Variants in KCNJ15 observed in about 807,000 individuals in gnomAD.
KCNJ15 encodes ATP-sensitive inward rectifier potassium channel 15.
Under a neutral mutation model 23.0 loss-of-function variants are expected in KCNJ15, and 14 were observed. That is an observed-to-expected ratio of 0.61 (90% confidence interval 0.40 to 0.95). KCNJ15 has a LOEUF of 0.95. Among genes scored for constraint, KCNJ15 ranks in the 40% least tolerant of loss-of-function variants. The probability of loss-of-function intolerance (pLI) is 0.00; values close to 1 mark genes in which losing one functional copy is unlikely to be tolerated. For missense variants in KCNJ15, 388 were observed against 461.8 expected, an observed-to-expected ratio of 0.84 and a Z score of 1.46; for synonymous variants, 185 against 183.2, an observed-to-expected ratio of 1.01 and a Z score of -0.08.
chr21:38,245,210 C>T (rs1979284667), intron 1 of KCNJ15, among the ~76,000 whole-genome samples: 1 of 151,948 alleles, frequency 6.6e-6, no homozygotes, highest in Non-Finnish European at 1.5e-5. Context: ...GGTTCTATTC[C>T]CAAAGTCCTC....
chr21:38,285,838 T>G (rs900969434), intron 1 of KCNJ15: 3 of 152,242 alleles, frequency 2.0e-5, no homozygotes, highest in African/African-American at 7.2e-5. Flanking sequence ...AAAGGGAGTA[T>G]TGTCTCAATT....
intron 1 of KCNJ15, among the ~76,000 whole-genome samples, chr21:38,265,719 G>T (rs1873484583): frequency 6.6e-6 from 1 of 152,190 alleles, no homozygotes; most frequent in South Asian, 2.1e-4. Flanking sequence ...ACAGAGGTGT[G>T]GATAGGAAGA....
intron 1 of KCNJ15, among the ~76,000 whole-genome samples, chr21:38,241,344 G>C (rs190882770): frequency 1.0e-3 from 158 of 152,246 alleles, no homozygotes; most frequent in Non-Finnish European, 1.8e-3. Context: ...TATTGATTTT[G>C]TTCTAGATTT....
intron 1 of KCNJ15, among the ~76,000 whole-genome samples, chr21:38,261,682 A>G (rs529755968): frequency 2.6e-4 from 39 of 152,334 alleles, no homozygotes; most frequent in African/African-American, 8.9e-4. Flanking sequence ...GTAAGATGCT[A>G]TCAAAGCTGC....
At chr21:38,293,730 AAAAGTG>A (rs879586501) in intron 1 of KCNJ15, among the ~76,000 whole-genome samples, 34,866 of 152,082 alleles carry the variant, frequency 0.23, 4,249 homozygotes, top group East Asian at 0.34. Flanking sequence ...AGTCTAAGGA[AAAAGTG>A]CTTTTGCAGA....
At chr21:38,271,376 G>A (rs1982077763) in intron 1 of KCNJ15, among the ~76,000 whole-genome samples, 1 of 152,154 alleles carries the variant, frequency 6.6e-6, no homozygotes, top group Non-Finnish European at 1.5e-5. Context: ...TCTTCACCAG[G>A]CCTCCTCCTA....
At chr21:38,282,089 C>T (rs1370407641) in intron 1 of KCNJ15, among the ~76,000 whole-genome samples, 1 of 152,032 alleles carries the variant, frequency 6.6e-6, no homozygotes, top group African/African-American at 2.4e-5. Context: ...GGTTCATTTC[C>T]TTTGCCCATT....
In KCNJ15 at chr21:38,297,007, G is replaced by A. The variant is rs1985231980; in HGVS notation, c.-35G>A. 1.3e-5 allele frequency: 2 copies of A among 152,654 alleles called. No individual in the cohort carries two copies. The allele number at this position is 152,654 out of a possible 1,614,324, so 9.5% of individuals were successfully genotyped here. On this transcript the variant is annotated 5_prime_UTR_variant, in exon 2 of 3. Transcript: ENST00000398938. ...CTGCCTTGAAGAAGACACCTGACCT[G>A]CGGAGTGAGTGACCAGGTAGTAGAC...
upstream of KCNJ15, among the ~76,000 whole-genome samples, chr21:38,253,024 CTCAG>C (rs1473486587): frequency 1.3e-5 from 2 of 152,200 alleles, no homozygotes; most frequent in Non-Finnish European, 2.9e-5. Flanking sequence ...CCTTTCTACT[CTCAG>C]TCAAAGACTG....
At chr21:38,242,136 A>G (rs542154623) in intron 1 of KCNJ15, among the ~76,000 whole-genome samples, 1 of 152,054 alleles carries the variant, frequency 6.6e-6, no homozygotes, top group Admixed American at 6.5e-5. Flanking sequence ...GGCTCTAGTC[A>G]CCTCTAATCC....
chr21:38,286,642 C>T (rs752163035), intron 1 of KCNJ15, among the ~76,000 whole-genome samples: 2 of 152,158 alleles, frequency 1.3e-5, no homozygotes, highest in Non-Finnish European at 2.9e-5. Context: ...AAGGAAGACT[C>T]TATAGGTTGG....
chr21:38,279,477 AG>A (rs1326899382), intron 1 of KCNJ15, among the ~76,000 whole-genome samples: 1 of 152,182 alleles, frequency 6.6e-6, no homozygotes, highest in Non-Finnish European at 1.5e-5. Context: ...GGAACTGAGA[AG>A]GCATCAGAAA....
In KCNJ15 at chr21:38,300,024, T is replaced by C; in HGVS notation, c.763T>C (p.Tyr255His). 29 of 1,614,100 alleles carry C rather than the reference T, an allele frequency of 1.8e-5. No individual in the cohort carries two copies. The highest frequency in any genetic ancestry group is 2.5e-5 in the Non-Finnish European group (29 of 1,180,028). ...SPFLILPMTF[Y>H]HVLDETSPLR... The stretch of plus-strand genomic sequence containing the variant: ...CTTCCTCATTCTGCCCATGACATTC[T>C]ACCATGTGCTGGATGAGACGAGCCC... The change falls in exon 3 of 3, where the codon TAC becomes CAC. Residue 255 changes from tyrosine to histidine, a missense_variant. Tyr to His is a moderately conservative substitution (Grantham distance 83). Coordinates refer to ENST00000398938, the MANE Select transcript of KCNJ15 (RefSeq NM_170736.3).
intron 1 of KCNJ15, chr21:38,285,595 G>A (rs1983801381): frequency 6.6e-6 from 1 of 152,142 alleles, no homozygotes; most frequent in Non-Finnish European, 1.5e-5. Context: ...AGGACAGGTG[G>A]GAGTTAACCA....
In KCNJ15 at chr21:38,299,151, A is replaced by T. The variant is rs987821895; in HGVS notation, c.-18-93A>T. 9.3e-6 allele frequency: 9 copies of T among 971,032 alleles called. No individual in the cohort carries two copies. Among genetic ancestry groups the T allele is most frequent in the East Asian group, 2.4e-5 (1 of 41,436 alleles). 60.2% of individuals were successfully genotyped at this position (971,032 alleles called of 1,614,324 possible). A position where few individuals can be genotyped will look rare whatever the true frequency, so the allele number is the denominator to read the frequency against. ...GAATTCTCCTTTCTTGTGTACTTCC[A>T]TGTACATTCATACTTACTTCACATG... On this transcript the variant is annotated intron_variant, in intron 2 of 2. Coordinates refer to ENST00000398938, the MANE Select transcript of KCNJ15 (RefSeq NM_170736.3). This position sits in a 1 kb window ranked among gnomAD's most constrained non-coding sequence, Gnocchi z 4.5.
intron 1 of KCNJ15, among the ~76,000 whole-genome samples, chr21:38,257,444 G>C (rs757741009): frequency 5.3e-5 from 8 of 152,208 alleles, no homozygotes; most frequent in Non-Finnish European, 1.2e-4. Context: ...CGTCTTGTTT[G>C]CGGTGGGTGT....
intron 2 of KCNJ15, among the ~76,000 whole-genome samples, chr21:38,297,714 G>C (rs1189097006): frequency 6.6e-6 from 1 of 152,154 alleles, no homozygotes; most frequent in African/African-American, 2.4e-5. Flanking sequence ...CTTCTAACTT[G>C]ATCCCAAGAA....
chr21:38,269,981 C>A (rs1189722378), intron 1 of KCNJ15, among the ~76,000 whole-genome samples: 1 of 152,160 alleles, frequency 6.6e-6, no homozygotes, highest in Admixed American at 6.5e-5. Flanking sequence ...CCCAGCAAGG[C>A]CCCCCGCCCT....
chr21:38,289,982 C>T (rs950026602), intron 1 of KCNJ15, among the ~76,000 whole-genome samples: 2 of 152,170 alleles, frequency 1.3e-5, no homozygotes, highest in Non-Finnish European at 2.9e-5. Context: ...CCCTCCGCTG[C>T]GGCACTCTCA....
Sources: gnomAD v4.1 joint callset for allele counts (sites outside exome capture counted in the v4.1 genomes callset) on GRCh38, gnomAD v4.1.1 for gene constraint, Gnocchi (gnomAD v3.1) non-coding constraint, MANE v1.5 for transcripts, NCBI Gene and HGNC (gene_info 2026-07-23, HGNC 2026-07-21) for gene names.